The following CNTLN variants were observed in gnomAD, a reference collection of about 807,000 sequenced individuals.
CNTLN encodes the protein centlein, also known as centlein, centrosomal protein.
CNTLN carries 212 observed loss-of-function variants against 180.0 expected under a neutral mutation model. The ratio of observed to expected loss-of-function variants is 1.18; its 90% CI spans 1.05 to 1.32. The LOEUF is 1.32. CNTLN is among the 40% of genes most tolerant of loss of function. The probability of loss-of-function intolerance (pLI) is 0.00; values close to 1 mark genes in which losing one functional copy is unlikely to be tolerated. For missense variants in CNTLN, 2,095 were observed against 1,610.9 expected, an observed-to-expected ratio of 1.30 and a Z score of -5.14; for synonymous variants, 722 against 563.1, an observed-to-expected ratio of 1.28 and a Z score of -3.99.
intron 25 of CNTLN, among the ~76,000 whole-genome samples, chr9:17,493,492 T>C (rs1833280510): frequency 1.3e-5 from 2 of 152,118 alleles, no homozygotes; most frequent in African/African-American, 4.8e-5. Context: ...AGTCAGTAAA[T>C]TGTGCCCTAA....
chr9:17,177,453 C>G (rs1397706270), intron 2 of CNTLN, among the ~76,000 whole-genome samples: 1 of 152,086 alleles, frequency 6.6e-6, no homozygotes, highest in African/African-American at 2.4e-5. Flanking sequence ...GGAAATGTGT[C>G]CGGAATTGGT....
At chr9:17,492,134 TG>T (rs1418187281) in intron 25 of CNTLN, among the ~76,000 whole-genome samples, 3 of 152,116 alleles carry the variant, frequency 2.0e-5, no homozygotes, top group Non-Finnish European at 2.9e-5. Flanking sequence ...ACAGCCTTGC[TG>T]TTTTTTTTCA....
chr9:17,245,821 T>G (rs2132233223), intron 5 of CNTLN, among the ~76,000 whole-genome samples: 1 of 152,136 alleles, frequency 6.6e-6, no homozygotes, highest in African/African-American at 2.4e-5. Context: ...TTTCTGCTTT[T>G]AAGAGACTGA....
chr9:17,189,408 G>T (rs1463272880), intron 2 of CNTLN, among the ~76,000 whole-genome samples: 5 of 151,346 alleles, frequency 3.3e-5, no homozygotes, highest in Non-Finnish European at 7.4e-5. Flanking sequence ...CTTCATTAGT[G>T]CAGGCTTAGA....
chr9:17,185,315 C>T (rs892045769), intron 2 of CNTLN, among the ~76,000 whole-genome samples: 40 of 152,172 alleles, frequency 2.6e-4, no homozygotes, highest in African/African-American at 8.0e-4. Flanking sequence ...ACTTCTGGTA[C>T]GTGTTCATGA....
intron 5 of CNTLN, among the ~76,000 whole-genome samples, chr9:17,263,813 A>C (rs1033453385): frequency 7.0e-6 from 1 of 143,758 alleles, no homozygotes; most frequent in South Asian, 2.4e-4. Context: ...GCATTTTTTC[A>C]TGTGTTTCTT....
chr9:17,478,665 G>C (rs1033290102), intron 23 of CNTLN, among the ~76,000 whole-genome samples: 1 of 151,910 alleles, frequency 6.6e-6, no homozygotes, highest in Non-Finnish European at 1.5e-5. Flanking sequence ...GCTGATTTTT[G>C]TCTGTGGTGT....
intron 6 of CNTLN, among the ~76,000 whole-genome samples, chr9:17,284,326 C>A (rs909576954): frequency 3.3e-5 from 5 of 152,076 alleles, no homozygotes; most frequent in African/African-American, 9.7e-5. Flanking sequence ...GGAATAGTTT[C>A]GGAAGGAATG....
At chr9:17,249,242 G>A (rs1040477974) in intron 5 of CNTLN, among the ~76,000 whole-genome samples, 1 of 151,674 alleles carries the variant, frequency 6.6e-6, no homozygotes, top group African/African-American at 2.4e-5. Context: ...AACTGCATTT[G>A]CTACATGGTA....
intron 2 of CNTLN, among the ~76,000 whole-genome samples, chr9:17,147,099 A>G (rs1818508375): frequency 6.6e-6 from 1 of 152,168 alleles, no homozygotes; most frequent in African/African-American, 2.4e-5. Flanking sequence ...GTTTACCAGA[A>G]GGTTTCTCCT....
chr9:17,510,596 G>C, the CNTLN span, among the ~76,000 whole-genome samples: 1 of 152,166 alleles, frequency 6.6e-6, no homozygotes, highest in Non-Finnish European at 1.5e-5. Flanking sequence ...AAAGACTACT[G>C]TCCCCCAAGC....
chr9:17,301,221 G>C, intron 7 of CNTLN: 3 of 985,404 alleles, frequency 3.0e-6, no homozygotes, highest in Non-Finnish European at 3.6e-6. Context: ...TAAATTGGGA[G>C]AAGTAGAGCT....
At chr9:17,137,817 G>T (rs1346360060) in intron 1 of CNTLN, among the ~76,000 whole-genome samples, 1 of 152,118 alleles carries the variant, frequency 6.6e-6, no homozygotes, top group Non-Finnish European at 1.5e-5. Context: ...GAATGCCTCA[G>T]AATAAGCATG....
At chr9:17,163,133 T>A (rs548492980) in intron 2 of CNTLN, among the ~76,000 whole-genome samples, 1 of 152,244 alleles carries the variant, frequency 6.6e-6, no homozygotes, top group South Asian at 2.1e-4. Flanking sequence ...TATAAAACCA[T>A]CAGGTCTTGT....
intron 19 of CNTLN, among the ~76,000 whole-genome samples, chr9:17,460,238 C>G (rs112440109): frequency 0.01 from 1,541 of 151,744 alleles, 24 homozygotes; most frequent in African/African-American, 0.036. Context: ...GATGAGAACT[C>G]AAACCATCTG....
chr9:17,315,376 C>T (rs978370184), intron 8 of CNTLN, among the ~76,000 whole-genome samples: 2 of 151,876 alleles, frequency 1.3e-5, no homozygotes, highest in African/African-American at 4.8e-5. Context: ...AGTAGTGTGT[C>T]CTTTTTGTGT....
intron 2 of CNTLN, among the ~76,000 whole-genome samples, chr9:17,206,287 C>T (rs1215230635): frequency 6.6e-6 from 1 of 152,168 alleles, no homozygotes; most frequent in Non-Finnish European, 1.5e-5. Context: ...ACCCTTGTTA[C>T]TTAAATTACA....
chr9:17,253,837 G>T (rs1045903004), intron 5 of CNTLN, among the ~76,000 whole-genome samples: 1 of 150,888 alleles, frequency 6.6e-6, no homozygotes, highest in Non-Finnish European at 1.5e-5. Flanking sequence ...GTAAAACTGG[G>T]CATTCTTGTC....
chr9:17,156,303 T>C (rs1409767276), intron 2 of CNTLN, among the ~76,000 whole-genome samples: 3 of 152,220 alleles, frequency 2.0e-5, no homozygotes, highest in Non-Finnish European at 4.4e-5. Context: ...AGGGGTGTTT[T>C]AACAGAACCA....
Sources: gnomAD v4.1 joint callset for allele counts (sites outside exome capture counted in the v4.1 genomes callset) on GRCh38, gnomAD v4.1.1 for gene constraint, MANE v1.5 for transcripts, NCBI Gene and HGNC (gene_info 2026-07-23, HGNC 2026-07-21) for gene names.